HSBP1: variants seen among roughly 807,000 people sequenced by gnomAD.
HSBP1 encodes the protein heat shock factor-binding protein 1.
A neutral mutation model predicts 9.6 loss-of-function variants in HSBP1; 5 were observed. The ratio of observed to expected loss-of-function variants is 0.52; its 90% CI spans 0.27 to 1.09. The LOEUF (loss-of-function observed/expected upper bound fraction) is 1.09. HSBP1 is among the 50% of genes least tolerant of loss of function. The pLI is 0.11. For missense variants in HSBP1, 121 were observed against 96.3 expected (o/e 1.26, Z -1.07); for synonymous variants, 42 against 33.3 (o/e 1.26, Z -0.90).
intron 1 of HSBP1, 145 bp downstream of exon 1, chr16:83,808,266 C>A: frequency 1.4e-6 from 1 of 726,288 alleles, no homozygotes; most frequent in South Asian, 1.9e-5. Flanking sequence ...CCGAGGCTCC[C>A]GGCCACCTTG....
At position 83,816,115 on chromosome 16, in the gene HSBP1, C is replaced by T. The variant is rs1411271514; in HGVS notation, c.*4697C>T. The T allele has an allele frequency of 6.6e-6, 1 of 152,184 alleles. No homozygotes were observed. Among genetic ancestry groups the T allele is most frequent in the South Asian group, 2.1e-4 (1 of 4,818 alleles). 9.4% of individuals were successfully genotyped at this position (152,184 alleles called of 1,614,324 possible). The stretch of plus-strand genomic sequence containing the variant: ...ACCTCAGTAAAACTAAGAGCAAGAC[C>T]CGGCCGGGCGCAGTGGCTCATGCCT... On this transcript the variant is annotated 3_prime_UTR_variant, in exon 4 of 4. Coordinates refer to ENST00000433866, the MANE Select transcript of HSBP1 (RefSeq NM_001537.4).
chr16:83,809,441 A>ATTTTTTT lies in HSBP1; in HGVS notation c.*2+20_*2+26dup. On this transcript the variant is annotated intron_variant, in intron 3 of 3. Transcript: ENST00000433866. The stretch of plus-strand genomic sequence containing the variant: ...AGAGTTGAAGGTGAGGAAGGGGGCA[A>ATTTTTTT]TTTTTTTTTTCTTTTCTTTTCTTTT... 9.4e-7 allele frequency: 1 copy of ATTTTTTT among 1,058,690 alleles called. No homozygotes were observed. The allele number at this position is 1,058,690 out of a possible 1,614,324, so 65.6% of individuals were successfully genotyped here. A position where few individuals can be genotyped will look rare whatever the true frequency, so the allele number is the denominator to read the frequency against.
rs1043993173 is a variant in HSBP1 at position 83,814,649 on chromosome 16, G to C, written c.*3231G>C. ...GGATCTCAAAATTTACTTTCAAAAG[G>C]CTGATGGAGTGTTTTCAATTAAACA... On this transcript the variant is annotated 3_prime_UTR_variant, in exon 4 of 4. Coordinates refer to ENST00000433866, the MANE Select transcript of HSBP1 (RefSeq NM_001537.4). 6.6e-6 allele frequency: 1 copy of C among 152,218 alleles called. No individual in the cohort carries two copies. Among genetic ancestry groups the C allele is most frequent in the African/African-American group, 2.4e-5 (1 of 41,448 alleles). 9.4% of individuals were successfully genotyped at this position (152,218 alleles called of 1,614,324 possible).
intron 3 of HSBP1, among the ~76,000 whole-genome samples, chr16:83,810,518 T>C (rs2151030693): frequency 1.3e-5 from 1 of 76,408 alleles, no homozygotes; most frequent in South Asian, 4.7e-4. Flanking sequence ...TGAGACTCTG[T>C]CTCAAAAAAA....
In HSBP1 at chr16:83,817,858, C is replaced by T. The variant is rs1269622296; in HGVS notation, c.*6440C>T. ...ATCTTATTGAGGCAAAGGACTGGAC[C>T]GAATTATTCATGGAACAGAAGCCTA... On this transcript the variant is annotated 3_prime_UTR_variant, in exon 4 of 4. Coordinates refer to ENST00000433866, the MANE Select transcript of HSBP1 (RefSeq NM_001537.4). The T allele has an allele frequency of 2.0e-5, 3 of 152,090 alleles. No individual in the cohort carries two copies. The highest frequency in any genetic ancestry group is 2.9e-5 in the Non-Finnish European group (2 of 68,032). The allele number at this position is 152,090 out of a possible 1,614,324, so 9.4% of individuals were successfully genotyped here.
chr16:83,809,324 C>T lies in HSBP1; in HGVS notation c.132C>T (p.Arg44=). 1 of 1,596,164 alleles carries T rather than the reference C, an allele frequency of 6.3e-7. No homozygotes were observed. Among genetic ancestry groups the T allele is most frequent in the Non-Finnish European group, 8.5e-7 (1 of 1,170,304 alleles). ...IIGRIDDMSS[R]IDDLEKNIAD... ...CAGCACTTGATGATATGAGTAGTCG[C>T]ATTGATGATCTGGAAAAGAATATCG... Residue 44 remains arginine (R), a synonymous_variant, in exon 3 of 4, where the codon CGC becomes CGT. Coordinates refer to ENST00000433866, the MANE Select transcript of HSBP1 (RefSeq NM_001537.4).
intron 3 of HSBP1, 93 bp downstream of exon 3, chr16:83,809,518 G>C (rs374057010): frequency 4.6e-6 from 3 of 658,214 alleles, no homozygotes; most frequent in African/African-American, 2.0e-5. Context: ...GCCCAGGCTG[G>C]AGTGCAATGG....
At chr16:83,808,485 G>T (rs1021537205) in intron 1 of HSBP1, 195 bp from the exon 2 acceptor site, 3 of 583,842 alleles carry the variant, frequency 5.1e-6, no homozygotes, top group Non-Finnish European at 6.1e-6. Flanking sequence ...AGTCGCAGCG[G>T]CCTCCCCAGC....
rs1406379883 is a variant in HSBP1 at position 83,814,378 on chromosome 16, G to A, written c.*2960G>A. On this transcript the variant is annotated 3_prime_UTR_variant, in exon 4 of 4. Transcript: ENST00000433866. The stretch of plus-strand genomic sequence containing the variant: ...AAAGGAACCCAAGACGGGGAGTCAG[G>A]GGCACAAGGTCACAGCTGGTAATGA... 1 of 152,250 alleles carries A rather than the reference G, an allele frequency of 6.6e-6. No homozygotes were observed. The highest frequency in any genetic ancestry group is 1.5e-5 in the Non-Finnish European group (1 of 68,080). 9.4% of individuals were successfully genotyped at this position (152,250 alleles called of 1,614,324 possible).
chr16:83,812,678 G>C lies in HSBP1; in HGVS notation c.*1260G>C, dbSNP rs557921348. ...GAACATAAAGGAGTGAGATCCTTCT[G>C]TGATAAAATGAATTCACCACTCTGG... On this transcript the variant is annotated 3_prime_UTR_variant, in exon 4 of 4. Coordinates refer to ENST00000433866, the MANE Select transcript of HSBP1 (RefSeq NM_001537.4). 1 of 152,214 alleles carries C rather than the reference G, an allele frequency of 6.6e-6. No homozygotes were observed. Among genetic ancestry groups the C allele is most frequent in the Non-Finnish European group, 1.5e-5 (1 of 68,048 alleles). The allele number at this position is 152,214 out of a possible 1,614,324, so 9.4% of individuals were successfully genotyped here. A position where few individuals can be genotyped will look rare whatever the true frequency, so the allele number is the denominator to read the frequency against.
Position 83,811,451 on chromosome 16 carries a change from T to A in HSBP1, c.*33T>A, listed in dbSNP as rs1374225294. 1.3e-5 allele frequency: 2 copies of A among 152,266 alleles called. No homozygotes were observed. The highest frequency in any genetic ancestry group is 2.9e-5 in the Non-Finnish European group (2 of 68,050). 9.4% of individuals were successfully genotyped at this position (152,266 alleles called of 1,614,324 possible). A position where few individuals can be genotyped will look rare whatever the true frequency, so the allele number is the denominator to read the frequency against. ...TAATAATTTATACTGGAATCTGGCA[T>A]TTTTCCAAGCCAAGAGAAGATCGAA... On this transcript the variant is annotated 3_prime_UTR_variant, in exon 4 of 4. Transcript: ENST00000433866.
At position 83,815,438 on chromosome 16, in the gene HSBP1, G is replaced by C. The variant is rs1030450364; in HGVS notation, c.*4020G>C. 1.3e-5 allele frequency: 2 copies of C among 151,580 alleles called. No individual in the cohort carries two copies. The highest frequency in any genetic ancestry group is 2.4e-5 in the African/African-American group (1 of 41,188). 9.4% of individuals were successfully genotyped at this position (151,580 alleles called of 1,614,324 possible). A position where few individuals can be genotyped will look rare whatever the true frequency, so the allele number is the denominator to read the frequency against. On this transcript the variant is annotated 3_prime_UTR_variant, in exon 4 of 4. Coordinates refer to ENST00000433866, the MANE Select transcript of HSBP1 (RefSeq NM_001537.4). ...GAGGTGGGAGGATCATTTGAGCCCA[G>C]GAAGTCGAGGTTGCAGTGAGCTGTG...
At chr16:83,808,859 A>G in intron 2 of HSBP1, 113 bp downstream of exon 2, 1 of 779,958 alleles carries the variant, frequency 1.3e-6, no homozygotes, top group Non-Finnish European at 2.1e-6. Flanking sequence ...CACTTGTAGA[A>G]TTTGAGCTTG....
intron 1 of HSBP1, 29 bp downstream of exon 1, chr16:83,808,150 C>G (rs1416108609): frequency 3.9e-6 from 6 of 1,537,334 alleles, no homozygotes; most frequent in Non-Finnish European, 4.4e-6. Flanking sequence ...GGCCGGAGGC[C>G]GCGGCCTTCC....
At position 83,812,794 on chromosome 16, in the gene HSBP1, C is replaced by G. The variant is rs967463083; in HGVS notation, c.*1376C>G. On this transcript the variant is annotated 3_prime_UTR_variant, in exon 4 of 4. Coordinates refer to ENST00000433866, the MANE Select transcript of HSBP1 (RefSeq NM_001537.4). ...TGCCCCACACACACTGCAGCATTGACCAGACCATCCGAAACCTGCGTCCCT... is the reference window on the plus strand; with the variant it reads ...TGCCCCACACACACTGCAGCATTGAGCAGACCATCCGAAACCTGCGTCCCT... 2.6e-5 allele frequency: 4 copies of G among 152,236 alleles called. No homozygotes were observed. Among genetic ancestry groups the G allele is most frequent in the Non-Finnish European group, 2.9e-5 (2 of 68,124 alleles). 9.4% of individuals were successfully genotyped at this position (152,236 alleles called of 1,614,324 possible).
Position 83,812,885 on chromosome 16 carries a change from G to C in HSBP1, c.*1467G>C, listed in dbSNP as rs1243344166. The C allele has an allele frequency of 6.6e-6, 1 of 152,254 alleles. No individual in the cohort carries two copies. Among genetic ancestry groups the C allele is most frequent in the Admixed American group, 6.5e-5 (1 of 15,290 alleles). 9.4% of individuals were successfully genotyped at this position (152,254 alleles called of 1,614,324 possible). A position where few individuals can be genotyped will look rare whatever the true frequency, so the allele number is the denominator to read the frequency against. The stretch of plus-strand genomic sequence containing the variant: ...TATGGCCGGTTGCGGTTGTAGGAGA[G>C]TTGTGACTTAGGCAGGAGTCGACCT... On this transcript the variant is annotated 3_prime_UTR_variant, in exon 4 of 4. Coordinates refer to ENST00000433866, the MANE Select transcript of HSBP1 (RefSeq NM_001537.4).
rs897509901 is a variant in HSBP1 at position 83,814,960 on chromosome 16, C to A, written c.*3542C>A. 27 of 152,098 alleles carry A rather than the reference C, an allele frequency of 1.8e-4. No homozygotes were observed. The highest frequency in any genetic ancestry group is 6.0e-4 in the African/African-American group (25 of 41,418). 9.4% of individuals were successfully genotyped at this position (152,098 alleles called of 1,614,324 possible). A position where few individuals can be genotyped will look rare whatever the true frequency, so the allele number is the denominator to read the frequency against. ...AACCCGGGGGATAAAAAGACACCCC[C>A]CCGCCACTCCGTGACCTATTAGCTT... is the stretch of plus-strand genomic sequence containing the variant. On this transcript the variant is annotated 3_prime_UTR_variant, in exon 4 of 4. Transcript: ENST00000433866.
At position 83,808,223 on chromosome 16, in the gene HSBP1, C is replaced by T. The variant is rs1485626828; in HGVS notation, c.45+102C>T. The stretch of plus-strand genomic sequence containing the variant: ...CGCCCACCGCGGCCGCGCGTGGCGT[C>T]TGCCGAGGCCCCGTTTCTGGAAGCG... On this transcript the variant is annotated intron_variant, in intron 1 of 3. Coordinates refer to ENST00000433866, the MANE Select transcript of HSBP1 (RefSeq NM_001537.4). 8.1e-6 allele frequency: 8 copies of T among 989,106 alleles called. No homozygotes were observed. The Admixed American group carries it at 1.7e-4, about 20-fold the overall frequency. The allele number at this position is 989,106 out of a possible 1,614,324, so 61.3% of individuals were successfully genotyped here. A position where few individuals can be genotyped will look rare whatever the true frequency, so the allele number is the denominator to read the frequency against.
At chr16:83,808,900 C>T (rs1393421577) in intron 2 of HSBP1, among the ~76,000 whole-genome samples, 154 bp downstream of exon 2, 1 of 152,244 alleles carries the variant, frequency 6.6e-6, no homozygotes, top group East Asian at 1.9e-4. Flanking sequence ...AAGGACTGCG[C>T]CGAGAGCTAG....
Sources: allele counts gnomAD v4.1 joint callset (sites outside exome capture counted in the v4.1 genomes callset), GRCh38; gene constraint gnomAD v4.1.1; transcripts MANE v1.5; gene names NCBI Gene and HGNC (gene_info 2026-07-23, HGNC 2026-07-21).